CCNF: variants seen among roughly 807,000 people sequenced by gnomAD.
CCNF encodes cyclin-F.
In CCNF, 30 loss-of-function variants were observed where a neutral mutation model predicts 85.4. The ratio of observed to expected loss-of-function variants is 0.35; its 90% CI spans 0.26 to 0.48. The LOEUF (loss-of-function observed/expected upper bound fraction) is 0.48. CCNF is among the 20% of genes least tolerant of loss of function. CCNF has a pLI of 0.99. For missense variants in CCNF, 919 were observed against 1,010.4 expected (o/e 0.91, Z 1.23); for synonymous variants, 439 against 425.1 (o/e 1.03, Z -0.40).
chr16:2,431,107 G>A (rs747247974), intron 1 of CCNF, 23 bp from the exon 2 acceptor site: 3 of 1,611,660 alleles, frequency 1.9e-6, no homozygotes, highest in Admixed American at 3.4e-5. Context: ...TCTTATCAAG[G>A]CTTCTGTCTT....
intron 1 of CCNF, among the ~76,000 whole-genome samples, chr16:2,430,062 A>G (rs1372449566): frequency 6.6e-6 from 1 of 152,228 alleles, no homozygotes; most frequent in Non-Finnish European, 1.5e-5. Flanking sequence ...AGAGGTCTAT[A>G]GAATCTTTGA....
Position 2,458,356 on chromosome 16 carries a change from ATACT to A in CCNF, c.*1337_*1340del, listed in dbSNP as rs2065443117. ...ACTCACTGTAACCTCCGCCTCCCGG[ATACT>A]CCTGCCTCAGCCTCCTGGGTAGCTG... is the stretch of plus-strand genomic sequence containing the variant. On this transcript the variant is annotated 3_prime_UTR_variant, in exon 17 of 17. Transcript: ENST00000397066. The A allele has an allele frequency of 6.7e-6, 1 of 149,460 alleles. No individual in the cohort carries two copies. The highest frequency in any genetic ancestry group is 2.5e-5 in the African/African-American group (1 of 40,182). The allele number at this position is 149,460 out of a possible 1,614,324, so 9.3% of individuals were successfully genotyped here. A position where few individuals can be genotyped will look rare whatever the true frequency, so the allele number is the denominator to read the frequency against.
At chr16:2,438,211 G>A (rs913733855) in intron 6 of CCNF, 88 bp downstream of exon 6, 4 of 960,286 alleles carry the variant, frequency 4.2e-6, no homozygotes, top group African/African-American at 1.6e-5. Flanking sequence ...AGAAGGGGGT[G>A]TCCAAGGCCC....
intron 15 of CCNF, among the ~76,000 whole-genome samples, chr16:2,454,326 C>T (rs2065412372): frequency 6.6e-6 from 1 of 152,228 alleles, no homozygotes; most frequent in African/African-American, 2.4e-5. Context: ...GTGTGGAAGG[C>T]AGGAGACCTG....
At chr16:2,433,888 T>A (rs2065274738) in intron 3 of CCNF, among the ~76,000 whole-genome samples, 1 of 152,168 alleles carries the variant, frequency 6.6e-6, no homozygotes, top group Admixed American at 6.6e-5. Context: ...TTGCCAGAAA[T>A]CCAGATCGAC....
chr16:2,441,914 T>C (rs1204580129), intron 8 of CCNF, among the ~76,000 whole-genome samples: 2 of 137,432 alleles, frequency 1.5e-5, no homozygotes, highest in Non-Finnish European at 3.1e-5. Context: ...AATGAGATAT[T>C]TTGGGCTCAT....
intron 5 of CCNF, 76 bp downstream of exon 5, chr16:2,437,398 T>C: frequency 8.6e-7 from 1 of 1,168,034 alleles, no homozygotes; most frequent in East Asian, 2.6e-5. Context: ...CGAGGGTAGA[T>C]CCTGGACCCT....
At chr16:2,430,645 CCGACCCTT>C (rs1329193921) in intron 1 of CCNF, among the ~76,000 whole-genome samples, 1 of 152,102 alleles carries the variant, frequency 6.6e-6, no homozygotes, top group Non-Finnish European at 1.5e-5. Flanking sequence ...CTCTCCAGGG[CCGACCCTT>C]CTAATTTGGA....
rs373865670 is a variant in CCNF at position 2,437,826 on chromosome 16, G to A, written c.541-244G>A. The A allele has an allele frequency of 1.8e-5, 9 of 498,534 alleles. No homozygotes were observed. The East Asian group carries it at 2.7e-4, about 15-fold the overall frequency. The allele number at this position is 498,534 out of a possible 1,614,324, so 30.9% of individuals were successfully genotyped here. On this transcript the variant is annotated intron_variant, in intron 5 of 16. Transcript: ENST00000397066. The stretch of plus-strand genomic sequence containing the variant: ...CGGTGGGAGGATCGCTTGAGCCTGG[G>A]AGGTTGAGCTTGCAATGAGCCGTGA...
At chr16:2,439,709 G>T (rs1363085260) in intron 7 of CCNF, 40 bp from the exon 8 acceptor site, 1 of 1,563,950 alleles carries the variant, frequency 6.4e-7, no homozygotes, top group Admixed American at 1.7e-5. Flanking sequence ...TTCCTCCCAA[G>T]ACACAGTTGT....
chr16:2,454,736 C>T (rs1474791338), intron 15 of CCNF, among the ~76,000 whole-genome samples: 2 of 152,310 alleles, frequency 1.3e-5, no homozygotes, highest in Admixed American at 6.5e-5. Flanking sequence ...TGCCTGGCGC[C>T]GGGCTAAGCA....
At position 2,439,821 on chromosome 16, in the gene CCNF, G is replaced by T. The variant is rs1250653160; in HGVS notation, c.772G>T (p.Ala258Ser). 1 of 1,614,046 alleles carries T rather than the reference G, an allele frequency of 6.2e-7. No individual in the cohort carries two copies. The highest frequency in any genetic ancestry group is 1.7e-5 in the Admixed American group (1 of 60,030). The change falls in exon 8 of 17, where the codon GCG (alanine) becomes TCG (serine). Residue 258 changes from alanine to serine, a missense_variant. Physicochemically the swap from Ala to Ser is moderately conservative, Grantham distance 99. This residue lies in a region of CCNF where 410 missense variants were observed against 478.6 expected (regional missense o/e 0.86). Coordinates refer to ENST00000397066, the MANE Select transcript of CCNF (RefSeq NM_001761.3). ...CTACGCTGCCAAAGGCTGCTGGGAA[G>T]CGCAGGTGAGGTGCGGGGCTGGGAT... is the stretch of plus-strand genomic sequence containing the variant. ...RDYAAKGCWE[A>S]QLSLAKACAN... is the part of the protein sequence containing the mutation.
At position 2,457,112 on chromosome 16, in the gene CCNF, G is replaced by GTCTATGC; in HGVS notation, c.*92_*93insTCTATGC. On this transcript the variant is annotated 3_prime_UTR_variant, in exon 17 of 17. Coordinates refer to ENST00000397066, the MANE Select transcript of CCNF (RefSeq NM_001761.3). ...GCATAGGAACGCTGCATAGACCATG[G>GTCTATGC]AGGCCTTTGCGCAGAGAGCAGAGAG... 3 of 954,280 alleles carry GTCTATGC rather than the reference G, an allele frequency of 3.1e-6. No individual in the cohort carries two copies. The highest frequency in any genetic ancestry group is 4.6e-6 in the Non-Finnish European group (3 of 647,502). The allele number at this position is 954,280 out of a possible 1,614,324, so 59.1% of individuals were successfully genotyped here.
intron 9 of CCNF, among the ~76,000 whole-genome samples, chr16:2,444,085 A>C (rs933938680): frequency 2.6e-5 from 4 of 151,762 alleles, no homozygotes; most frequent in African/African-American, 7.3e-5. Context: ...ATGCCCGGCT[A>C]ATTTTTTGTA....
intron 10 of CCNF, among the ~76,000 whole-genome samples, chr16:2,446,075 G>A (rs4371158): frequency 0.75 from 114,606 of 152,196 alleles, 44,085 homozygotes; most frequent in African/African-American, 0.92. Context: ...CACCTGGTCA[G>A]ACATGGAGTG....
intron 10 of CCNF, among the ~76,000 whole-genome samples, chr16:2,446,650 T>C (rs992434807): frequency 6.6e-6 from 1 of 152,250 alleles, no homozygotes; most frequent in Non-Finnish European, 1.5e-5. Flanking sequence ...GAGGATAGGC[T>C]TGGCTGCACA....
Position 2,437,327 on chromosome 16 carries a change from G to A in CCNF, c.540+5G>A, listed in dbSNP as rs568096411. 2 of 1,577,190 alleles carry A rather than the reference G, an allele frequency of 1.3e-6. No homozygotes were observed. Among genetic ancestry groups the A allele is most frequent in the Non-Finnish European group, 1.7e-6 (2 of 1,161,310 alleles). ...GCAGAGTGCCAGCTGCAGAGGGTGA[G>A]TCTGGGCGAGGGGCAGCACCTGCGA... On this transcript the variant is annotated splice_donor_5th_base_variant and intron_variant, in intron 5 of 16. Transcript: ENST00000397066.
Position 2,456,438 on chromosome 16 carries a change from G to C in CCNF, c.1886-107G>C, listed in dbSNP as rs2065427934. The C allele has an allele frequency of 1.4e-6, 1 of 729,180 alleles. No homozygotes were observed. The highest frequency in any genetic ancestry group is 2.1e-6 in the Non-Finnish European group (1 of 466,366). The allele number at this position is 729,180 out of a possible 1,614,324, so 45.2% of individuals were successfully genotyped here. A position where few individuals can be genotyped will look rare whatever the true frequency, so the allele number is the denominator to read the frequency against. ...CAGGAGGGTAACACAGGGGACCGTA[G>C]CAAGGTAGAAGATTCTTGACCTGGA... On this transcript the variant is annotated intron_variant, in intron 16 of 16. Coordinates refer to ENST00000397066, the MANE Select transcript of CCNF (RefSeq NM_001761.3). The surrounding 1 kb of genome is among the most constrained non-coding windows in gnomAD (Gnocchi z 4.5).
rs1438861236 is a variant in CCNF at position 2,457,825 on chromosome 16, A to G, written c.*805A>G. The G allele has an allele frequency of 6.6e-6, 1 of 152,250 alleles. No individual in the cohort carries two copies. Among genetic ancestry groups the G allele is most frequent in the African/African-American group, 2.4e-5 (1 of 41,458 alleles). The allele number at this position is 152,250 out of a possible 1,614,324, so 9.4% of individuals were successfully genotyped here. ...GAGATTCCCACCATTATTTAGGTTCACCTGCAAAACAAAAATCTTACTCCA... is the reference window on the plus strand; with the variant it reads ...GAGATTCCCACCATTATTTAGGTTCGCCTGCAAAACAAAAATCTTACTCCA... On this transcript the variant is annotated 3_prime_UTR_variant, in exon 17 of 17. Transcript: ENST00000397066.
Sources: gnomAD v4.1 joint callset for allele counts (sites outside exome capture counted in the v4.1 genomes callset) on GRCh38, gnomAD v4.1.1 for gene constraint, gnomAD v4.1.1 regional missense constraint, Gnocchi (gnomAD v3.1) non-coding constraint, MANE v1.5 for transcripts, NCBI Gene and HGNC (gene_info 2026-07-23, HGNC 2026-07-21) for gene names.